Variants in CNTNAP2 observed in about 807,000 individuals in gnomAD.
CNTNAP2 encodes the protein contactin associated protein 2, also known as contactin-associated protein-like 2.
CNTNAP2 carries 98 observed loss-of-function variants against 155.2 expected under a neutral mutation model. The ratio of observed to expected loss-of-function variants is 0.63; its 90% CI spans 0.54 to 0.75. The LOEUF is 0.75. Ranked by LOEUF, CNTNAP2 falls within the 30% of genes least tolerant of loss-of-function variation. The pLI is 0.00. For synonymous variants in CNTNAP2, 651 were observed against 631.2 expected (o/e 1.03, Z -0.47); for missense variants, 1,727 against 1,688.1 (o/e 1.02, Z -0.40).
intron 9 of CNTNAP2, among the ~76,000 whole-genome samples, chr7:147,373,881 A>T (rs1796390940): frequency 6.6e-6 from 1 of 152,000 alleles, no homozygotes; most frequent in South Asian, 2.1e-4. Context: ...TATACATTGG[A>T]GATGGAATAA....
At chr7:146,412,808 T>C (rs1795885359) in intron 1 of CNTNAP2, among the ~76,000 whole-genome samples, 1 of 152,190 alleles carries the variant, frequency 6.6e-6, no homozygotes. Flanking sequence ...TCCTCAAACA[T>C]TACTGTAAAA....
intron 4 of CNTNAP2, among the ~76,000 whole-genome samples, chr7:147,072,600 A>G (rs1258692961): frequency 1.3e-5 from 2 of 152,086 alleles, no homozygotes; most frequent in African/African-American, 4.8e-5. Context: ...GGGAGGATTG[A>G]AGAGCTATTA....
rs78117000 is a variant in CNTNAP2, at chr7:148,345,374, A to G, written c.3476-38275A>G. 4.6e-3 allele frequency among the ~76,000 whole-genome samples: 694 copies of G among 151,402 alleles called. 4 individuals are homozygous for G. Among genetic ancestry groups the G allele is most frequent in the Non-Finnish European group, 6.7e-3 (455 of 67,808 alleles). On this transcript the variant is annotated intron_variant, in intron 21 of 23. Coordinates refer to ENST00000361727, the MANE Select transcript of CNTNAP2 (RefSeq NM_014141.6). ...TATTTGTTTGTTTGTTTGTTTGTTTATTTTTTGAGACAGAGCCTTGCTCTG... is the reference window on the plus strand; with the variant it reads ...TATTTGTTTGTTTGTTTGTTTGTTTGTTTTTTGAGACAGAGCCTTGCTCTG...
chr7:148,157,981 T>G (rs1805436652), intron 17 of CNTNAP2, among the ~76,000 whole-genome samples: 1 of 152,142 alleles, frequency 6.6e-6, no homozygotes, highest in Non-Finnish European at 1.5e-5. Flanking sequence ...ACCAGCCCTC[T>G]ATTCTTTTCT....
intron 13 of CNTNAP2, among the ~76,000 whole-genome samples, chr7:147,647,044 G>A (rs1670600320): frequency 6.6e-6 from 1 of 150,682 alleles, no homozygotes; most frequent in Admixed American, 6.6e-5. Context: ...GCAGTGGCAT[G>A]ATCTAGGCTC....
chr7:146,534,018 C>T (rs796412909), intron 1 of CNTNAP2, among the ~76,000 whole-genome samples: 25 of 152,102 alleles, frequency 1.6e-4, no homozygotes, highest in African/African-American at 5.8e-4. Flanking sequence ...AGGCCTAAAA[C>T]AAAGTTCTAC....
At chr7:146,921,459 A>T (rs1228302690) in intron 3 of CNTNAP2, among the ~76,000 whole-genome samples, 1 of 152,130 alleles carries the variant, frequency 6.6e-6, no homozygotes, top group Non-Finnish European at 1.5e-5. Flanking sequence ...CATGCGGCTA[A>T]CAAAGATGTA....
At chr7:148,324,544 T>A (rs985547170) in intron 21 of CNTNAP2, among the ~76,000 whole-genome samples, 3 of 152,084 alleles carry the variant, frequency 2.0e-5, no homozygotes, top group Non-Finnish European at 4.4e-5. Flanking sequence ...ATGCCTGTAA[T>A]CTCAACACTT....
chr7:146,794,780 C>G (rs1366816061), intron 2 of CNTNAP2, among the ~76,000 whole-genome samples: 1 of 152,268 alleles, frequency 6.6e-6, no homozygotes, highest in Non-Finnish European at 1.5e-5. Context: ...TTCAGAAAAA[C>G]AATACAAGTA....
intron 9 of CNTNAP2, among the ~76,000 whole-genome samples, chr7:147,301,081 A>C (rs1295338565): frequency 6.6e-6 from 1 of 152,146 alleles, no homozygotes; most frequent in Non-Finnish European, 1.5e-5. Flanking sequence ...AAGGAAGGGG[A>C]TTTCACAAGG....
intron 8 of CNTNAP2, among the ~76,000 whole-genome samples, chr7:147,155,091 T>C (rs1801897077): frequency 6.6e-6 from 1 of 152,284 alleles, no homozygotes; most frequent in Admixed American, 6.5e-5. Flanking sequence ...AAAAGTCATG[T>C]TGAAATCCTA....
intron 4 of CNTNAP2, among the ~76,000 whole-genome samples, chr7:147,106,203 T>G (rs1397406130): frequency 6.6e-6 from 1 of 152,128 alleles, no homozygotes; most frequent in Non-Finnish European, 1.5e-5. Flanking sequence ...TATTTAACTG[T>G]CACTGATAGG....
intron 1 of CNTNAP2, among the ~76,000 whole-genome samples, chr7:146,177,725 G>T (rs1196167954): frequency 2.0e-5 from 3 of 152,178 alleles, no homozygotes; most frequent in Admixed American, 2.0e-4. Flanking sequence ...TGTAACACAA[G>T]AATATGTATT....
chr7:148,277,649 G>A (rs1405449580), intron 21 of CNTNAP2, among the ~76,000 whole-genome samples: 1 of 146,168 alleles, frequency 6.8e-6, no homozygotes, highest in Non-Finnish European at 1.5e-5. Context: ...AGACTGGGAA[G>A]CAAGGCAAGA....
chr7:146,560,081 C>A (rs1798257310), intron 1 of CNTNAP2, among the ~76,000 whole-genome samples: 1 of 152,166 alleles, frequency 6.6e-6, no homozygotes, highest in Admixed American at 6.5e-5. Flanking sequence ...GTAGCAGACA[C>A]TGCAGTAAAT....
intron 16 of CNTNAP2, among the ~76,000 whole-genome samples, chr7:148,131,578 G>C (rs755571032): frequency 6.6e-6 from 1 of 152,200 alleles, no homozygotes; most frequent in Non-Finnish European, 1.5e-5. Flanking sequence ...TTCTGAGACA[G>C]ACGGAAGAAA....
intron 11 of CNTNAP2, among the ~76,000 whole-genome samples, chr7:147,540,316 C>A (rs968996678): frequency 1.3e-5 from 2 of 152,124 alleles, no homozygotes; most frequent in Admixed American, 1.3e-4. Context: ...AGCACTTCCC[C>A]TGGACTCTTC....
At chr7:146,862,530 C>T (rs1437137117) in intron 3 of CNTNAP2, among the ~76,000 whole-genome samples, 1 of 152,082 alleles carries the variant, frequency 6.6e-6, no homozygotes, top group African/African-American at 2.4e-5. Flanking sequence ...ACACTCAATG[C>T]AAAATATTCA....
At chr7:146,866,336 A>T (rs2129206302) in intron 3 of CNTNAP2, among the ~76,000 whole-genome samples, 1 of 152,242 alleles carries the variant, frequency 6.6e-6, no homozygotes, top group South Asian at 2.1e-4. Context: ...TTTCCAAAAT[A>T]ATTTTTATTT....
Sources: gnomAD v4.1 joint callset for allele counts (sites outside exome capture counted in the v4.1 genomes callset) on GRCh38, gnomAD v4.1.1 for gene constraint, MANE v1.5 for transcripts, NCBI Gene and HGNC (gene_info 2026-07-23, HGNC 2026-07-21) for gene names.